KLHL6: variants seen among roughly 807,000 people sequenced by gnomAD.
KLHL6 encodes the protein kelch like family member 6, also known as kelch-like protein 6.
KLHL6 carries 41 observed loss-of-function variants against 58.6 expected under a neutral mutation model. That is an observed-to-expected ratio of 0.70 (90% confidence interval 0.55 to 0.91). The LOEUF is 0.91. KLHL6 is among the 40% of genes least tolerant of loss of function. The pLI is 0.00. For synonymous variants in KLHL6, 338 were observed against 322.7 expected (o/e 1.05, Z -0.51); for missense variants, 714 against 805.6 (o/e 0.89, Z 1.38).
intron 3 of KLHL6, 39 bp downstream of exon 3, chr3:183,508,020 T>C: frequency 6.4e-7 from 1 of 1,571,332 alleles, no homozygotes. Context: ...AACTCCTTAC[T>C]TCGCTGGTTA....
Position 183,499,239 on chromosome 3 carries a change from G to C in KLHL6, c.1147+351C>G, listed in dbSNP as rs938760025. Among the ~76,000 whole-genome samples the C allele has an allele frequency of 6.6e-6, 1 of 152,090 alleles. No individual in the cohort carries two copies. Among genetic ancestry groups the C allele is most frequent in the Non-Finnish European group, 1.5e-5 (1 of 68,018 alleles). ...CACCTGATTGTAATCCCAGCTACTC[G>C]GGAGGGTGAGGCAGGAGGGTCACTT... On this transcript the variant is annotated intron_variant, in intron 4 of 6. Transcript: ENST00000341319. This position sits in a 1 kb window ranked among gnomAD's most constrained non-coding sequence, Gnocchi z 4.6.
intron 2 of KLHL6, among the ~76,000 whole-genome samples, chr3:183,509,512 G>A (rs944247575): frequency 3.3e-5 from 5 of 152,192 alleles, no homozygotes; most frequent in African/African-American, 1.2e-4. Flanking sequence ...GTATCTTAAG[G>A]CAAATTCTGC....
chr3:183,548,226 A>G (rs1181604268), intron 1 of KLHL6, among the ~76,000 whole-genome samples: 1 of 152,230 alleles, frequency 6.6e-6, no homozygotes, highest in Non-Finnish European at 1.5e-5. Context: ...GGTTCTCACC[A>G]TTTGGGAAGC....
chr3:183,513,240 A>T (rs140183358), intron 2 of KLHL6, among the ~76,000 whole-genome samples: 1 of 152,242 alleles, frequency 6.6e-6, no homozygotes, highest in East Asian at 1.9e-4. Context: ...GAGTTACTCA[A>T]TCCTCACCAC....
In KLHL6 at chr3:183,534,139, TAAAGTACTTTA is replaced by T. The variant is rs1017839551; in HGVS notation, c.294-6140_294-6130del. Among the ~76,000 whole-genome samples the T allele has an allele frequency of 1.2e-4, 9 of 76,648 alleles. No individual in the cohort carries two copies. In the South Asian group the frequency reaches 1.8e-3, roughly 16 times the overall value. 50.3% of individuals were successfully genotyped at this position (76,648 alleles called of 152,430 possible). A position where few individuals can be genotyped will look rare whatever the true frequency, so the allele number is the denominator to read the frequency against. ...TTACTTTTAAAGTACTTTGTACTTT[TAAAGTACTTTA>T]AAAGTACTTTAAAAGACATTACTTT... is the stretch of plus-strand genomic sequence containing the variant. On this transcript the variant is annotated intron_variant, in intron 1 of 6. Transcript: ENST00000341319.
rs1332685877 is a variant in KLHL6, at chr3:183,551,914, CAGAA to C, written c.293+3443_293+3446del. 3.3e-5 allele frequency: 5 copies of C among 151,942 alleles called. No homozygotes were observed. In the South Asian group the frequency reaches 6.3e-4, roughly 19 times the overall value. 9.4% of individuals were successfully genotyped at this position (151,942 alleles called of 1,614,324 possible). On this transcript the variant is annotated intron_variant, in intron 1 of 6. Transcript: ENST00000341319. ...TAATTTTAAAAAAATACATGAAAAA[CAGAA>C]AGGCAGTGAAGAGACAGTTCAACAA...
Position 183,540,130 on chromosome 3 carries a change from G to C in KLHL6, c.294-12120C>G, listed in dbSNP as rs552968772. On this transcript the variant is annotated intron_variant, in intron 1 of 6. Coordinates refer to ENST00000341319, the MANE Select transcript of KLHL6 (RefSeq NM_130446.4). ...CCCAAGCCACAATGATTGGTTCAGG[G>C]ATGGGAATAGGAAGAAGCCAATTCA... is the stretch of plus-strand genomic sequence containing the variant. Among the ~76,000 whole-genome samples, 224 of 152,306 alleles carry C rather than the reference G, an allele frequency of 1.5e-3. 1 individual carries two copies. Among genetic ancestry groups the C allele is most frequent in the African/African-American group, 4.8e-3 (200 of 41,566 alleles).
intron 1 of KLHL6, among the ~76,000 whole-genome samples, chr3:183,534,549 A>C (rs1275437996): frequency 6.6e-6 from 1 of 151,894 alleles, no homozygotes; most frequent in Non-Finnish European, 1.5e-5. Flanking sequence ...GACTAGAGGC[A>C]TGAACCACCA....
At chr3:183,525,269 A>AAAAAACACACACAC (rs55871319) in intron 2 of KLHL6, among the ~76,000 whole-genome samples, 1,474 of 133,790 alleles carry the variant, frequency 0.011, 29 homozygotes, top group African/African-American at 0.039. Context: ...CTAAAAAAAA[A>AAAAAACACACACAC]ACACACACAC....
At chr3:183,520,157 G>C (rs1306738339) in intron 2 of KLHL6, 1 of 152,162 alleles carries the variant, frequency 6.6e-6, no homozygotes, top group Non-Finnish European at 1.5e-5. Context: ...ATGTTGATCT[G>C]ACTGGTGGTT....
chr3:183,505,829 T>G, intron 3 of KLHL6, among the ~76,000 whole-genome samples: 1 of 152,188 alleles, frequency 6.6e-6, no homozygotes, highest in Admixed American at 6.5e-5. Context: ...CTATCAAAAT[T>G]CATTCTAGAA....
chr3:183,525,665 C>T (rs1278004358), intron 2 of KLHL6, among the ~76,000 whole-genome samples: 1 of 152,224 alleles, frequency 6.6e-6, no homozygotes, highest in Non-Finnish European at 1.5e-5. Context: ...TACTCTGCCA[C>T]TCTGCCTTAT....
intron 1 of KLHL6, among the ~76,000 whole-genome samples, chr3:183,529,225 T>C (rs1712078782): frequency 6.6e-6 from 1 of 152,134 alleles, no homozygotes; most frequent in South Asian, 2.1e-4. Context: ...GGTGATTAAA[T>C]AATCTGTACA....
intron 1 of KLHL6, among the ~76,000 whole-genome samples, chr3:183,537,160 C>T (rs1162244860): frequency 2.6e-5 from 4 of 152,316 alleles, no homozygotes; most frequent in Admixed American, 6.5e-5. Context: ...TCCTGCTGCT[C>T]CTCTGGGAGA....
In KLHL6 at chr3:183,487,735, A is replaced by G. The variant is rs1489006468; in HGVS notation, c.*4192T>C. 1 of 152,220 alleles carries G rather than the reference A, an allele frequency of 6.6e-6. No individual in the cohort carries two copies. The highest frequency in any genetic ancestry group is 2.4e-5 in the African/African-American group (1 of 41,450). 9.4% of individuals were successfully genotyped at this position (152,220 alleles called of 1,614,324 possible). A position where few individuals can be genotyped will look rare whatever the true frequency, so the allele number is the denominator to read the frequency against. On this transcript the variant is annotated 3_prime_UTR_variant, in exon 7 of 7. Transcript: ENST00000341319. The stretch of plus-strand genomic sequence containing the variant: ...ATACATATGAAAATCTGACCTGTCA[A>G]AACTGGTTTTGCAGTAGCCAGATTT...
At chr3:183,511,569 T>C (rs892083865) in intron 2 of KLHL6, among the ~76,000 whole-genome samples, 4 of 152,204 alleles carry the variant, frequency 2.6e-5, no homozygotes, top group African/African-American at 7.2e-5. Context: ...GACTATCACA[T>C]GGGGAAAGAC....
intron 1 of KLHL6, among the ~76,000 whole-genome samples, chr3:183,533,298 TTTC>T (rs1712219579): frequency 6.6e-6 from 1 of 151,462 alleles, no homozygotes; most frequent in Admixed American, 6.6e-5. Context: ...TCCCTCTTTC[TTTC>T]TTCTTTCTTT....
Position 183,555,572 on chromosome 3 carries a change from T to C in KLHL6, c.82A>G (p.Thr28Ala), listed in dbSNP as rs1219298395. ...CCTGTTTTCTGGGAGGGCTCATCTG[T>C]AGAAGGTGCCAGGGGCCCTTCCAAA... ...KSLEGPLAPS[T>A]DEPSQKTGDL... Residue 28 changes from threonine (T) to alanine (A), a missense_variant, in exon 1 of 7, where the codon ACA becomes GCA. Transcript: ENST00000341319. 4 of 1,614,160 alleles carry C rather than the reference T, an allele frequency of 2.5e-6. No homozygotes were observed. The highest frequency in any genetic ancestry group is 2.7e-5 in the African/African-American group (2 of 75,036).
rs555679150 is a variant in KLHL6 at position 183,508,485 on chromosome 3, A to G, written c.483T>C (p.Cys161=). ...LFQFLRMVDA[C]ASFLTEALNP... Reference sequence around the variant, plus strand: ...TCAAGGCTTCAGTGAGGAAGCTGGCACAGGCATCCACCATCCGCAGGAACT... The same window carrying G: ...TCAAGGCTTCAGTGAGGAAGCTGGCGCAGGCATCCACCATCCGCAGGAACT... The change falls in exon 3 of 7, where the codon TGT becomes TGC. Residue 161 remains cysteine, a synonymous_variant. Transcript: ENST00000341319. 6 of 1,613,702 alleles carry G rather than the reference A, an allele frequency of 3.7e-6. No individual in the cohort carries two copies. The highest frequency in any genetic ancestry group is 5.1e-6 in the Non-Finnish European group (6 of 1,179,800).
Sources: allele counts gnomAD v4.1 joint callset (sites outside exome capture counted in the v4.1 genomes callset), GRCh38; gene constraint gnomAD v4.1.1; non-coding constraint Gnocchi (gnomAD v3.1); transcripts MANE v1.5; gene names NCBI Gene and HGNC (gene_info 2026-07-23, HGNC 2026-07-21).